Variants in STAU2 observed in about 807,000 individuals in gnomAD.
STAU2 encodes the protein staufen double-stranded RNA binding protein 2.
A neutral mutation model predicts 65.9 loss-of-function variants in STAU2; 20 were observed. The ratio of observed to expected loss-of-function variants is 0.30; its 90% confidence interval spans 0.21 to 0.44. STAU2 has a LOEUF of 0.44. Among genes scored for constraint, STAU2 ranks in the 20% least tolerant of loss-of-function variants. The pLI is 1.00. For synonymous variants in STAU2, 232 were observed against 233.9 expected (o/e 0.99, Z 0.07); for missense variants, 558 against 683.9 (o/e 0.82, Z 2.05).
At chr8:73,423,328 G>T (rs189532857) in intron 13 of STAU2, among the ~76,000 whole-genome samples, 98 of 152,348 alleles carry the variant, frequency 6.4e-4, no homozygotes, top group African/African-American at 2.2e-3. Flanking sequence ...GGAAGCCGCA[G>T]GGTGTGAACA....
At chr8:73,490,152 G>C (rs1317215252) in intron 13 of STAU2, among the ~76,000 whole-genome samples, 1 of 151,968 alleles carries the variant, frequency 6.6e-6, no homozygotes, top group Non-Finnish European at 1.5e-5. Flanking sequence ...TTTCTCAGAG[G>C]CCTTGGTTTA....
At chr8:73,599,817 G>C (rs1811493482) in intron 10 of STAU2, among the ~76,000 whole-genome samples, 1 of 151,840 alleles carries the variant, frequency 6.6e-6, no homozygotes, top group Admixed American at 6.6e-5. Context: ...CCAGGTTCTG[G>C]AGTGCAGTGG....
intron 6 of STAU2, among the ~76,000 whole-genome samples, chr8:73,647,171 A>T (rs1039322759): frequency 5.9e-5 from 9 of 152,222 alleles, no homozygotes; most frequent in African/African-American, 1.9e-4. Flanking sequence ...ATAGTGTAGC[A>T]GTTTCCTAGA....
At chr8:73,716,964 G>A (rs1029945805) in intron 3 of STAU2, among the ~76,000 whole-genome samples, 2 of 152,096 alleles carry the variant, frequency 1.3e-5, no homozygotes, top group African/African-American at 2.4e-5. Context: ...AGCTGGGCAC[G>A]GTAGTGTGCG....
At chr8:73,612,501 C>A (rs1352036862) in intron 9 of STAU2, among the ~76,000 whole-genome samples, 2 of 152,104 alleles carry the variant, frequency 1.3e-5, no homozygotes, top group African/African-American at 4.8e-5. Context: ...TGCCAGTCCT[C>A]TTTGGAACCA....
intron 10 of STAU2, among the ~76,000 whole-genome samples, chr8:73,597,053 T>C (rs1326007235): frequency 6.6e-6 from 1 of 151,724 alleles, no homozygotes; most frequent in African/African-American, 2.4e-5. Flanking sequence ...AAAAAAGTAA[T>C]GAGCTAAACA....
At chr8:73,528,683 T>C (rs1805602685) in intron 13 of STAU2, among the ~76,000 whole-genome samples, 1 of 152,162 alleles carries the variant, frequency 6.6e-6, no homozygotes, top group African/African-American at 2.4e-5. Flanking sequence ...CTTGCTCAAT[T>C]TGTTAAATGT....
chr8:73,602,093 T>C (rs1013741376), intron 10 of STAU2, among the ~76,000 whole-genome samples: 5 of 150,942 alleles, frequency 3.3e-5, no homozygotes, highest in African/African-American at 1.2e-4. Flanking sequence ...TATGACTACA[T>C]TATAAGTTAA....
intron 13 of STAU2, among the ~76,000 whole-genome samples, chr8:73,545,395 T>A (rs537721446): frequency 5.3e-5 from 8 of 152,004 alleles, no homozygotes; most frequent in African/African-American, 1.2e-4. Context: ...AAAAAAAAAA[T>A]TTGGAAGTTT....
intron 13 of STAU2, among the ~76,000 whole-genome samples, chr8:73,460,488 T>C (rs753719092): frequency 2.0e-5 from 3 of 152,236 alleles, no homozygotes; most frequent in Non-Finnish European, 4.4e-5. Context: ...CCTTGTCACC[T>C]TTCCTGGAAA....
chr8:73,535,239 G>A (rs1354520294), intron 13 of STAU2, among the ~76,000 whole-genome samples: 1 of 151,766 alleles, frequency 6.6e-6, no homozygotes, highest in Non-Finnish European at 1.5e-5. Context: ...GCGTGATCTT[G>A]GCTCACTGCA....
At position 73,494,999 on chromosome 8, in the gene STAU2, C is replaced by G. The variant is rs146342807; in HGVS notation, c.1530+57013G>C. ...GGTCATGTGTAATTAAGCACATATT[C>G]TCCGGCTTCTTTTATCATATATTCA... On this transcript the variant is annotated intron_variant, in intron 13 of 14. Coordinates refer to ENST00000524300, the MANE Select transcript of STAU2 (RefSeq NM_001164380.2). 2.2e-4 allele frequency among the ~76,000 whole-genome samples: 33 copies of G among 151,684 alleles called. 1 individual carries two copies. Among genetic ancestry groups the G allele is most frequent in the African/African-American group, 8.0e-4 (33 of 41,500 alleles).
intron 13 of STAU2, among the ~76,000 whole-genome samples, chr8:73,442,979 T>A (rs1201389006): frequency 5.9e-5 from 9 of 152,222 alleles, no homozygotes; most frequent in African/African-American, 2.2e-4. Flanking sequence ...GATAGATTTA[T>A]AAATTTGGGG....
At chr8:73,704,409 T>C (rs1221203920) in intron 4 of STAU2, among the ~76,000 whole-genome samples, 2 of 152,138 alleles carry the variant, frequency 1.3e-5, no homozygotes, top group South Asian at 2.1e-4. Context: ...CTAAGTCTAA[T>C]TAAAAAAAAG....
At chr8:73,714,467 C>A (rs533815109) in intron 3 of STAU2, among the ~76,000 whole-genome samples, 1 of 152,200 alleles carries the variant, frequency 6.6e-6, no homozygotes, top group South Asian at 2.1e-4. Context: ...CATCAAACTG[C>A]TCCATTTTTA....
intron 13 of STAU2, among the ~76,000 whole-genome samples, chr8:73,495,718 C>A (rs1821387747): frequency 7.2e-6 from 1 of 138,060 alleles, no homozygotes; most frequent in Admixed American, 7.2e-5. Context: ...TTGGATTTAC[C>A]TAACAAAAAT....
rs561523677 is a variant in STAU2 at position 73,639,364 on chromosome 8, G to A, written c.411-21913C>T. 3.9e-5 allele frequency among the ~76,000 whole-genome samples: 6 copies of A among 152,126 alleles called. No homozygotes were observed. The South Asian group carries it at 1.2e-3, about 32-fold the overall frequency. ...ACAATTGTTTCTATGCTCTTTGAAG[G>A]GAGGACATGATCCTAGTTTCATTTG... On this transcript the variant is annotated intron_variant, in intron 6 of 14. Transcript: ENST00000524300.
intron 13 of STAU2, among the ~76,000 whole-genome samples, chr8:73,457,601 T>A (rs776937499): frequency 1.3e-5 from 2 of 152,236 alleles, no homozygotes; most frequent in African/African-American, 2.4e-5. Context: ...ATCTCCCACG[T>A]CCCTATGACG....
chr8:73,610,475 G>T (rs919006831), intron 9 of STAU2, among the ~76,000 whole-genome samples: 2 of 148,070 alleles, frequency 1.4e-5, no homozygotes, highest in African/African-American at 5.0e-5. Flanking sequence ...GGCAGAAGTT[G>T]CAGCCAGCCA....
Sources: allele counts gnomAD v4.1 joint callset (sites outside exome capture counted in the v4.1 genomes callset), GRCh38; gene constraint gnomAD v4.1.1; transcripts MANE v1.5; gene names NCBI Gene and HGNC (gene_info 2026-07-23, HGNC 2026-07-21).